The following TNS3 variants were observed in gnomAD, a reference collection of about 807,000 sequenced individuals.
TNS3 encodes tensin-3.
TNS3 carries 45 observed loss-of-function variants against 140.9 expected under a neutral mutation model. That is an observed-to-expected ratio of 0.32 (90% confidence interval 0.25 to 0.41). The LOEUF (loss-of-function observed/expected upper bound fraction) is 0.41. Among genes scored for constraint, TNS3 ranks in the 10% least tolerant of loss-of-function variants. The pLI is 1.00. For synonymous variants in TNS3, 815 were observed against 788.4 expected, an observed-to-expected ratio of 1.03 and a Z score of -0.56; for missense variants, 1,716 against 1,906.7, an observed-to-expected ratio of 0.90 and a Z score of 1.86.
chr7:47,534,388 C>T (rs1286606400), intron 1 of TNS3, among the ~76,000 whole-genome samples: 2 of 152,244 alleles, frequency 1.3e-5, no homozygotes, highest in Admixed American at 6.5e-5. Flanking sequence ...AAGTCACAAC[C>T]TCTCTTAAAT....
chr7:47,445,594 C>G (rs1276363390), intron 4 of TNS3, among the ~76,000 whole-genome samples: 3 of 152,172 alleles, frequency 2.0e-5, no homozygotes, highest in Admixed American at 6.5e-5. Context: ...CCAAAAAGGG[C>G]AGAGAAACTA....
At chr7:47,412,090 G>C (rs1221280010) in intron 12 of TNS3, among the ~76,000 whole-genome samples, 1 of 152,144 alleles carries the variant, frequency 6.6e-6, no homozygotes, top group African/African-American at 2.4e-5. Flanking sequence ...TTAGAGGAAG[G>C]GGCCCAGGGT....
intron 1 of TNS3, chr7:47,539,120 G>A (rs1239863982): frequency 6.6e-6 from 3 of 456,680 alleles, no homozygotes; most frequent in South Asian, 4.6e-5. Flanking sequence ...ATTCAGCAAT[G>A]AACAGATAGC....
chr7:47,393,813 G>GAACC (rs1290679774), intron 16 of TNS3, among the ~76,000 whole-genome samples: 1 of 151,842 alleles, frequency 6.6e-6, no homozygotes, highest in Non-Finnish European at 1.5e-5. Context: ...TCCTGTCTGG[G>GAACC]AACCACTCTT....
chr7:47,420,556 A>C (rs1321576589), intron 10 of TNS3, among the ~76,000 whole-genome samples: 4 of 152,192 alleles, frequency 2.6e-5, no homozygotes, highest in Non-Finnish European at 4.4e-5. Context: ...AAGCAAAAGG[A>C]GGGCACTATG....
chr7:47,355,321 G>T lies in TNS3; in HGVS notation c.2282-8965C>A, dbSNP rs1273882058. On this transcript the variant is annotated intron_variant, in intron 17 of 30. Transcript: ENST00000311160. ...CTCAGCCCCAGGTGCATCCTATGAC[G>T]TACCTTATCCAAAGCCACCACAACA... Among the ~76,000 whole-genome samples the T allele has an allele frequency of 2.0e-5, 3 of 152,168 alleles. No individual in the cohort carries two copies. In the East Asian group the frequency reaches 5.8e-4, roughly 29 times the overall value.
chr7:47,384,959 A>G (rs1175115474), intron 16 of TNS3, among the ~76,000 whole-genome samples: 1 of 152,048 alleles, frequency 6.6e-6, no homozygotes, highest in African/African-American at 2.4e-5. Flanking sequence ...TCACCCAACA[A>G]CCACCTGTTG....
At chr7:47,380,523 T>C (rs1791689068) in intron 16 of TNS3, among the ~76,000 whole-genome samples, 1 of 152,240 alleles carries the variant, frequency 6.6e-6, no homozygotes, top group South Asian at 2.1e-4. Flanking sequence ...AAGGCATTCC[T>C]GGACAAGTCC....
intron 13 of TNS3, among the ~76,000 whole-genome samples, chr7:47,401,526 C>T (rs370531291): frequency 6.6e-5 from 10 of 152,174 alleles, no homozygotes; most frequent in African/African-American, 2.4e-4. Context: ...CAGAATCACC[C>T]TGATGTGATC....
chr7:47,518,674 T>C (rs1324553197), intron 2 of TNS3, among the ~76,000 whole-genome samples: 1 of 152,172 alleles, frequency 6.6e-6, no homozygotes, highest in African/African-American at 2.4e-5. Context: ...CAAGAAAGAA[T>C]ATAAATAAAT....
At chr7:47,493,600 C>T (rs944621784) in intron 3 of TNS3, among the ~76,000 whole-genome samples, 9 of 150,502 alleles carry the variant, frequency 6.0e-5, no homozygotes, top group African/African-American at 2.2e-4. Flanking sequence ...GGGTGGATCA[C>T]GAGGTCAGGA....
intron 16 of TNS3, among the ~76,000 whole-genome samples, chr7:47,394,419 G>T (rs1334806375): frequency 6.6e-6 from 1 of 152,182 alleles, no homozygotes; most frequent in Non-Finnish European, 1.5e-5. Flanking sequence ...ACCAGAATCC[G>T]CCAGGCTGGC....
At position 47,575,264 on chromosome 7, in the gene TNS3, G is replaced by A. The variant is rs1328792947; in HGVS notation, c.-265+6787C>T. Among the ~76,000 whole-genome samples the A allele has an allele frequency of 4.6e-5, 7 of 152,260 alleles. No homozygotes were observed. The East Asian group carries it at 1.4e-3, about 29-fold the overall frequency. On this transcript the variant is annotated intron_variant, in intron 1 of 30. Coordinates refer to ENST00000311160, the MANE Select transcript of TNS3 (RefSeq NM_022748.12). ...TTATGCAGAGCTATTTCTGGATTGG[G>A]AAATGCTTATACTGCCACATTGACT... is the stretch of plus-strand genomic sequence containing the variant.
chr7:47,503,880 C>A (rs1798316742), intron 3 of TNS3, among the ~76,000 whole-genome samples: 1 of 152,096 alleles, frequency 6.6e-6, no homozygotes, highest in South Asian at 2.1e-4. Flanking sequence ...ATGCTCATGG[C>A]AGAAGAGGTA....
At chr7:47,374,611 G>A (rs1479921400) in intron 16 of TNS3, among the ~76,000 whole-genome samples, 1 of 152,222 alleles carries the variant, frequency 6.6e-6, no homozygotes, top group East Asian at 1.9e-4. Flanking sequence ...TGTGGAAGCA[G>A]GGTCACTGCA....
intron 17 of TNS3, among the ~76,000 whole-genome samples, chr7:47,367,264 C>T (rs546827958): frequency 6.6e-6 from 1 of 152,326 alleles, no homozygotes; most frequent in South Asian, 2.1e-4. Context: ...AGTCCCCTAC[C>T]TGAGACAACC....
intron 3 of TNS3, among the ~76,000 whole-genome samples, chr7:47,504,787 G>A (rs1562812555): frequency 6.6e-6 from 1 of 152,188 alleles, no homozygotes; most frequent in Non-Finnish European, 1.5e-5. Flanking sequence ...TTTTTGGAAT[G>A]AGAAGGTGCT....
intron 16 of TNS3, among the ~76,000 whole-genome samples, chr7:47,389,769 G>A (rs1053649597): frequency 6.6e-6 from 1 of 152,232 alleles, no homozygotes; most frequent in Non-Finnish European, 1.5e-5. Context: ...TTTGGTCTGC[G>A]ATCACGCCTG....
intron 4 of TNS3, chr7:47,470,324 TA>T: frequency 1.8e-6 from 1 of 551,806 alleles, no homozygotes; most frequent in Non-Finnish European, 2.3e-6. Flanking sequence ...ACTCTATATC[TA>T]AAATAAAAGC....
Sources: allele counts gnomAD v4.1 joint callset (sites outside exome capture counted in the v4.1 genomes callset), GRCh38; gene constraint gnomAD v4.1.1; transcripts MANE v1.5; gene names NCBI Gene and HGNC (gene_info 2026-07-23, HGNC 2026-07-21).